RIPOR2: variants seen among roughly 807,000 people sequenced by gnomAD.
The protein encoded by RIPOR2 is RHO family interacting cell polarization regulator 2.
RIPOR2 carries 39 observed loss-of-function variants against 114.5 expected under a neutral mutation model. The ratio of observed to expected loss-of-function variants is 0.34; its 90% CI spans 0.26 to 0.44. The LOEUF (loss-of-function observed/expected upper bound fraction) is 0.44. Among genes scored for constraint, RIPOR2 ranks in the 20% least tolerant of loss-of-function variants. RIPOR2 has a pLI of 1.00. For synonymous variants in RIPOR2, 445 were observed against 484.4 expected, an observed-to-expected ratio of 0.92 and a Z score of 1.07; for missense variants, 1,007 against 1,255.1, an observed-to-expected ratio of 0.80 and a Z score of 2.99.
chr6:25,004,983 G>T (rs1775486944), intron 1 of RIPOR2, among the ~76,000 whole-genome samples: 1 of 111,732 alleles, frequency 8.9e-6, no homozygotes, highest in African/African-American at 3.5e-5. Flanking sequence ...TATTCAAATA[G>T]GCTACACACA....
intron 1 of RIPOR2, among the ~76,000 whole-genome samples, chr6:24,985,927 G>C (rs1164584314): frequency 6.6e-6 from 1 of 152,192 alleles, no homozygotes; most frequent in Non-Finnish European, 1.5e-5. Flanking sequence ...AAAACAGGGT[G>C]AAATATAATA....
chr6:24,901,307 C>T (rs541020883), intron 1 of RIPOR2, among the ~76,000 whole-genome samples: 1 of 152,326 alleles, frequency 6.6e-6, no homozygotes, highest in Admixed American at 6.5e-5. Context: ...CCCTTAGTCC[C>T]TTCCTGCTTT....
chr6:24,897,960 G>A (rs186522481), intron 1 of RIPOR2, among the ~76,000 whole-genome samples: 5 of 151,906 alleles, frequency 3.3e-5, no homozygotes, highest in Admixed American at 6.5e-5. Context: ...GGAGGCGGAG[G>A]TTGCAGAGAG....
At chr6:25,021,284 T>C (rs893840541) in intron 1 of RIPOR2, among the ~76,000 whole-genome samples, 1 of 152,026 alleles carries the variant, frequency 6.6e-6, no homozygotes, top group African/African-American at 2.4e-5. Flanking sequence ...ACAGGGTGAC[T>C]ATATGAAAAA....
chr6:25,024,298 C>T (rs2113727651), intron 1 of RIPOR2: 1 of 1,525,214 alleles, frequency 6.6e-7, no homozygotes, highest in Non-Finnish European at 9.1e-7. Flanking sequence ...ATGACATCCT[C>T]AATGAACACC....
chr6:24,919,365 G>A (rs898158510), intron 1 of RIPOR2, among the ~76,000 whole-genome samples: 1 of 152,234 alleles, frequency 6.6e-6, no homozygotes, highest in South Asian at 2.1e-4. Flanking sequence ...AAGGCTGCTG[G>A]AGATGAAAAT....
chr6:24,856,144 T>TAA (rs5875010), intron 8 of RIPOR2, among the ~76,000 whole-genome samples: 1 of 151,760 alleles, frequency 6.6e-6, no homozygotes, highest in Admixed American at 6.6e-5. Context: ...CCCGGATGCT[T>TAA]AAAAAAGAAG....
chr6:24,900,988 G>A (rs1027447409), intron 1 of RIPOR2, among the ~76,000 whole-genome samples: 10 of 152,052 alleles, frequency 6.6e-5, no homozygotes, highest in Admixed American at 3.3e-4. Context: ...CTTAGACTTC[G>A]TATTTATTTT....
intron 1 of RIPOR2, among the ~76,000 whole-genome samples, chr6:24,987,404 A>T (rs74713818): frequency 0.014 from 2,185 of 152,296 alleles, 49 homozygotes; most frequent in African/African-American, 0.047. Flanking sequence ...CATATGACTG[A>T]CGGGTGGTGC....
At chr6:24,962,240 G>A (rs1364549386) in intron 1 of RIPOR2, among the ~76,000 whole-genome samples, 2 of 152,204 alleles carry the variant, frequency 1.3e-5, no homozygotes, top group African/African-American at 4.8e-5. Flanking sequence ...GATTCTTTTC[G>A]ATTTACTGCT....
intron 6 of RIPOR2, among the ~76,000 whole-genome samples, chr6:24,868,521 C>A (rs80090810): frequency 0.039 from 5,915 of 152,178 alleles, 304 homozygotes; most frequent in African/African-American, 0.12. Flanking sequence ...CCTCATTGGA[C>A]CACCAGTGAA....
intron 1 of RIPOR2, among the ~76,000 whole-genome samples, chr6:24,958,837 G>A (rs553187785): frequency 2.8e-4 from 43 of 152,102 alleles, no homozygotes; most frequent in African/African-American, 9.6e-4. Context: ...GAGGGTGGGG[G>A]TCATCCAAGG....
At chr6:25,015,898 T>TTG (rs1685955701) in intron 1 of RIPOR2, 2 of 81,388 alleles carry the variant, frequency 2.5e-5, no homozygotes, top group African/African-American at 1.1e-4. Context: ...GTTTTTTGGT[T>TTG]TTTTTTTTTT....
intron 12 of RIPOR2, among the ~76,000 whole-genome samples, chr6:24,843,864 G>C (rs1762000511): frequency 6.6e-6 from 1 of 151,640 alleles, no homozygotes. Context: ...TGGGGGGAGG[G>C]GGCTTGTTTT....
At position 24,807,244 on chromosome 6, in the gene RIPOR2, A is replaced by G. The variant is rs138398670; in HGVS notation, c.3044-771T>C. On this transcript the variant is annotated intron_variant, in intron 21 of 21. Transcript: ENST00000643898. ...AACTTTGGGAAGCCAAGGTGAGTGGATCACTTGAGGTCACGAGTTTGAGAC... is the reference window on the plus strand; with the variant it reads ...AACTTTGGGAAGCCAAGGTGAGTGGGTCACTTGAGGTCACGAGTTTGAGAC... Among the ~76,000 whole-genome samples the G allele has an allele frequency of 5.7e-3, 874 of 152,326 alleles. 7 individuals are homozygous for G. Among genetic ancestry groups the G allele is most frequent in the African/African-American group, 0.02 (844 of 41,566 alleles).
intron 1 of RIPOR2, among the ~76,000 whole-genome samples, chr6:24,881,015 G>A (rs1167386251): frequency 1.3e-5 from 2 of 152,106 alleles, no homozygotes; most frequent in South Asian, 2.1e-4. Flanking sequence ...AGGCCGAGGC[G>A]GGTGGATCAC....
rs575099116 is a variant in RIPOR2, at chr6:24,893,230, T to C, written c.62-17413A>G. 3.9e-5 allele frequency among the ~76,000 whole-genome samples: 6 copies of C among 152,376 alleles called. 1 individual carries two copies. The highest frequency in any genetic ancestry group is 3.9e-4 in the East Asian group (2 of 5,192). On this transcript the variant is annotated intron_variant, in intron 1 of 21. Transcript: ENST00000643898. ...TTCAGGAATTTGTTACCTCATTTAC[T>C]CTATTCCTGTGTATGTTTGAAAAGT... is the stretch of plus-strand genomic sequence containing the variant.
intron 1 of RIPOR2, among the ~76,000 whole-genome samples, chr6:25,032,142 C>T (rs950400873): frequency 2.0e-5 from 3 of 151,232 alleles, no homozygotes; most frequent in African/African-American, 7.3e-5. Flanking sequence ...CATGAATTTA[C>T]TGTCCTCCCT....
intron 1 of RIPOR2, among the ~76,000 whole-genome samples, chr6:24,947,393 T>A (rs888743736): frequency 2.0e-5 from 3 of 152,220 alleles, no homozygotes; most frequent in African/African-American, 7.2e-5. Context: ...TCACCATTCC[T>A]CTTTTGTGTA....
Sources: gnomAD v4.1 joint callset for allele counts (sites outside exome capture counted in the v4.1 genomes callset) on GRCh38, gnomAD v4.1.1 for gene constraint, MANE v1.5 for transcripts, NCBI Gene and HGNC (gene_info 2026-07-23, HGNC 2026-07-21) for gene names.